FOXN3: variants seen among roughly 807,000 people sequenced by gnomAD.
FOXN3 encodes forkhead box protein N3.
Under a neutral mutation model 38.4 loss-of-function variants are expected in FOXN3, and 7 were observed. The observed-to-expected ratio is 0.18, with a 90% CI of 0.10 to 0.34. FOXN3 has a LOEUF of 0.34. Among genes scored for constraint, FOXN3 ranks in the 10% least tolerant of loss-of-function variants. The pLI, the probability that FOXN3 is intolerant of heterozygous loss-of-function variation, is 1.00. For synonymous variants in FOXN3, 230 were observed against 242.2 expected, an observed-to-expected ratio of 0.95 and a Z score of 0.47; for missense variants, 456 against 613.4, an observed-to-expected ratio of 0.74 and a Z score of 2.71.
intron 2 of FOXN3, among the ~76,000 whole-genome samples, chr14:89,403,486 C>T (rs1891304879): frequency 6.6e-6 from 1 of 152,258 alleles, no homozygotes. Context: ...AGGCGTGAGC[C>T]ACCACGCCCA....
At chr14:89,368,054 C>A (rs927255145) in intron 2 of FOXN3, among the ~76,000 whole-genome samples, 1 of 152,146 alleles carries the variant, frequency 6.6e-6, no homozygotes, top group South Asian at 2.1e-4. Flanking sequence ...CCAGGCCGGG[C>A]ACAGTGGCTC....
chr14:89,430,908 G>A (rs1275860935), intron 1 of FOXN3, among the ~76,000 whole-genome samples: 5 of 152,274 alleles, frequency 3.3e-5, no homozygotes, highest in Middle Eastern at 3.4e-3. Flanking sequence ...GTCTTGGGCC[G>A]GGGATCTTGC....
intron 1 of FOXN3, among the ~76,000 whole-genome samples, chr14:89,519,638 A>C (rs772230662): frequency 1.8e-4 from 27 of 152,334 alleles, no homozygotes; most frequent in Middle Eastern, 6.8e-3. Flanking sequence ...CAATAGGAAT[A>C]GGGAGATGAG....
intron 4 of FOXN3, among the ~76,000 whole-genome samples, chr14:89,228,236 C>T (rs908231101): frequency 1.3e-4 from 20 of 152,166 alleles, no homozygotes; most frequent in Middle Eastern, 3.2e-3. Flanking sequence ...ATAAAAGAGG[C>T]GATCTCTCAT....
chr14:89,348,348 T>G (rs962520161), intron 3 of FOXN3, among the ~76,000 whole-genome samples: 3 of 152,068 alleles, frequency 2.0e-5, no homozygotes, highest in Admixed American at 2.0e-4. Flanking sequence ...CTTCTCTAGG[T>G]CATGTCAACA....
Position 89,412,234 on chromosome 14 carries a change from G to A in FOXN3, c.243C>T (p.Leu81=), listed in dbSNP as rs1413153916. The A allele has an allele frequency of 6.2e-7, 1 of 1,614,084 alleles. No homozygotes were observed. Among genetic ancestry groups the A allele is most frequent in the African/African-American group, 1.3e-5 (1 of 74,982 alleles). Residue 81 remains leucine (L), a synonymous_variant, in exon 2 of 6, where the codon CTC becomes CTT. Coordinates refer to ENST00000557258, the MANE Select transcript of FOXN3 (RefSeq NM_005197.4). This position sits in a 1 kb window ranked among gnomAD's most constrained non-coding sequence, Gnocchi z 4.7. ...NLLKSFGESV[L]RSVSPVQDLD... ...GGTCCTGGACGGGGCTGACACTCCT[G>A]AGGACCGACTCCCCAAAGCTCTTCA...
At chr14:89,195,663 T>G (rs188945622) in intron 4 of FOXN3, among the ~76,000 whole-genome samples, 1 of 152,124 alleles carries the variant, frequency 6.6e-6, no homozygotes, top group African/African-American at 2.4e-5. Flanking sequence ...CAACCCAGTT[T>G]ATCAGCAAAA....
At chr14:89,568,579 A>G (rs2139890883) in intron 1 of FOXN3, among the ~76,000 whole-genome samples, 1 of 152,324 alleles carries the variant, frequency 6.6e-6, no homozygotes, top group East Asian at 1.9e-4. Flanking sequence ...TCAGCTCCTC[A>G]GGGCTGGCCC....
chr14:89,594,739 T>C (rs1297972778), intron 1 of FOXN3, among the ~76,000 whole-genome samples: 1 of 152,090 alleles, frequency 6.6e-6, no homozygotes, highest in African/African-American at 2.4e-5. Context: ...TATAATTGGT[T>C]CTTTTGGGTC....
chr14:89,260,644 T>C (rs1253585553), intron 4 of FOXN3, among the ~76,000 whole-genome samples: 3 of 152,206 alleles, frequency 2.0e-5, no homozygotes, highest in East Asian at 1.9e-4. Context: ...TTGTATTTAT[T>C]TGAAGTGTAG....
At chr14:89,245,264 C>T (rs1316251604) in intron 4 of FOXN3, among the ~76,000 whole-genome samples, 1 of 152,136 alleles carries the variant, frequency 6.6e-6, no homozygotes, top group Non-Finnish European at 1.5e-5. Context: ...TCATTCGGGG[C>T]CCTTTCCTCT....
chr14:89,464,849 C>CA (rs1742945016), intron 1 of FOXN3, among the ~76,000 whole-genome samples: 1 of 152,078 alleles, frequency 6.6e-6, no homozygotes, highest in African/African-American at 2.4e-5. Context: ...AGCTGCCCAC[C>CA]ACCACGCCCG....
intron 1 of FOXN3, among the ~76,000 whole-genome samples, chr14:89,609,232 C>T (rs1444128065): frequency 6.6e-6 from 1 of 152,134 alleles, no homozygotes; most frequent in Non-Finnish European, 1.5e-5. Context: ...GACAGGGTCT[C>T]GCTCTGTCAC....
At chr14:89,333,966 G>GTGTATATATATATATATATATATATA (rs1490383212) in intron 3 of FOXN3, among the ~76,000 whole-genome samples, 1 of 131,582 alleles carries the variant, frequency 7.6e-6, no homozygotes, top group African/African-American at 2.9e-5. Flanking sequence ...AATGTGGTGT[G>GTGTATATATATATATATATATATATA]TATATATATA....
chr14:89,166,449 G>C (rs905041731), intron 5 of FOXN3, among the ~76,000 whole-genome samples: 4 of 152,088 alleles, frequency 2.6e-5, no homozygotes, highest in African/African-American at 9.7e-5. Context: ...AGTCCCTATT[G>C]GAACACTGGC....
In FOXN3 at chr14:89,369,221, C is replaced by A. The variant is rs1219500136; in HGVS notation, c.544-18413G>T. 2.0e-5 allele frequency among the ~76,000 whole-genome samples: 3 copies of A among 152,308 alleles called. No homozygotes were observed. In the South Asian group the frequency reaches 6.2e-4, roughly 32 times the overall value. ...TTTGATTATCTGTGGAGACTTTATA[C>A]ATAAGAAATTTTTAACTCACTCATT... is the stretch of plus-strand genomic sequence containing the variant. On this transcript the variant is annotated intron_variant, in intron 2 of 5. Transcript: ENST00000557258.
At chr14:89,333,966 G>GTGTGTATA (rs1490383212) in intron 3 of FOXN3, among the ~76,000 whole-genome samples, 2 of 131,580 alleles carry the variant, frequency 1.5e-5, no homozygotes, top group African/African-American at 5.8e-5. Flanking sequence ...AATGTGGTGT[G>GTGTGTATA]TATATATATA....
chr14:89,470,947 G>A (rs1469105161), intron 1 of FOXN3, among the ~76,000 whole-genome samples: 1 of 152,156 alleles, frequency 6.6e-6, no homozygotes, highest in East Asian at 1.9e-4. Flanking sequence ...CTTGCAAGGA[G>A]AAACATGCAG....
At chr14:89,180,953 T>TAC (rs10692634) in intron 4 of FOXN3, 147 bp from the exon 5 acceptor site, 278,917 of 478,170 alleles carry the variant, frequency 0.58, 56,894 homozygotes, top group African/African-American at 0.77. Context: ...CACGTGCACA[T>TAC]ACACACACAC....
Sources: allele counts gnomAD v4.1 joint callset (sites outside exome capture counted in the v4.1 genomes callset), GRCh38; gene constraint gnomAD v4.1.1; non-coding constraint Gnocchi (gnomAD v3.1); transcripts MANE v1.5; gene names NCBI Gene and HGNC (gene_info 2026-07-23, HGNC 2026-07-21).